SGK3: variants seen among roughly 807,000 people sequenced by gnomAD.
SGK3 encodes the protein serine/threonine-protein kinase Sgk3.
Under a neutral mutation model 68.5 loss-of-function variants are expected in SGK3, and 47 were observed. The observed-to-expected ratio is 0.69, with a 90% CI of 0.54 to 0.87. SGK3 has a LOEUF of 0.87. SGK3 is among the 40% of genes least tolerant of loss of function. SGK3 has a pLI of 0.00. For missense variants in SGK3, 479 were observed against 575.5 expected (o/e 0.83, Z 1.72); for synonymous variants, 181 against 189.1 (o/e 0.96, Z 0.35).
intron 16 of SGK3, among the ~76,000 whole-genome samples, chr8:66,857,797 GTA>G (rs934036535): frequency 0.025 from 2,625 of 105,440 alleles, 33 homozygotes; most frequent in Non-Finnish European, 0.034. Context: ...AAGTGTGTGT[GTA>G]TGTGTGTGTG....
chr8:66,822,889 G>A (rs536391016), intron 6 of SGK3, among the ~76,000 whole-genome samples: 2 of 152,238 alleles, frequency 1.3e-5, no homozygotes, highest in African/African-American at 2.4e-5. Flanking sequence ...TCAGAATGCT[G>A]GGATTACAGG....
intron 1 of SGK3, among the ~76,000 whole-genome samples, chr8:66,723,495 G>GT (rs1256240445): frequency 1.3e-5 from 2 of 152,028 alleles, no homozygotes; most frequent in Admixed American, 6.6e-5. Context: ...GTAAGCTGGA[G>GT]TGCAGTGGTG....
chr8:66,751,513 T>G (rs1805817484), intron 1 of SGK3, among the ~76,000 whole-genome samples: 1 of 152,110 alleles, frequency 6.6e-6, no homozygotes, highest in Admixed American at 6.6e-5. Flanking sequence ...TTCTGGAAAG[T>G]TCTTATTCAG....
chr8:66,773,831 A>G (rs1157347971), intron 1 of SGK3, among the ~76,000 whole-genome samples: 1 of 152,112 alleles, frequency 6.6e-6, no homozygotes, highest in African/African-American at 2.4e-5. Context: ...CACCATTTAA[A>G]ACTCGTTTAT....
Position 66,834,760 on chromosome 8 carries a change from C to T in SGK3, c.526-1003C>T, listed in dbSNP as rs142353249. 8.2e-3 allele frequency among the ~76,000 whole-genome samples: 1,237 copies of T among 151,656 alleles called. 14 individuals are homozygous for T. Among genetic ancestry groups the T allele is most frequent in the African/African-American group, 0.028 (1,163 of 41,328 alleles). ...CGTCCTGGCTAACACAGTGAAACCC[C>T]GTCTCTACTAAAAATACAAAAAAAA... On this transcript the variant is annotated intron_variant, in intron 8 of 16. Transcript: ENST00000521198.
chr8:66,784,841 T>A (rs981840054), intron 1 of SGK3, among the ~76,000 whole-genome samples: 1 of 152,152 alleles, frequency 6.6e-6, no homozygotes, highest in African/African-American at 2.4e-5. Flanking sequence ...AACAAAAAAA[T>A]TTTAAGTCTA....
chr8:66,853,936 C>G (rs1279054471), intron 16 of SGK3, among the ~76,000 whole-genome samples: 1 of 152,072 alleles, frequency 6.6e-6, no homozygotes, highest in Non-Finnish European at 1.5e-5. Flanking sequence ...CTCATTATAC[C>G]ATTTCGGAAC....
At chr8:66,842,270 GA>G (rs1809827705) in intron 13 of SGK3, among the ~76,000 whole-genome samples, 1 of 149,658 alleles carries the variant, frequency 6.7e-6, no homozygotes, top group African/African-American at 2.5e-5. Flanking sequence ...ATCCAGGCTG[GA>G]GTGCAGTGGC....
At chr8:66,759,649 TTTTGTTTGTTTGTTTG>T (rs113675222) in intron 1 of SGK3, among the ~76,000 whole-genome samples, 11 of 151,492 alleles carry the variant, frequency 7.3e-5, no homozygotes, top group Non-Finnish European at 8.8e-5. Flanking sequence ...CCAGGATGGT[TTTTGTTTGTTTGTTTG>T]TTTGTTTGTT....
intron 1 of SGK3, among the ~76,000 whole-genome samples, chr8:66,763,610 A>G (rs1397100626): frequency 6.6e-6 from 1 of 152,072 alleles, no homozygotes; most frequent in African/African-American, 2.4e-5. Context: ...GAGCTAGGAA[A>G]TACATACATA....
intron 1 of SGK3, among the ~76,000 whole-genome samples, chr8:66,718,523 T>C (rs1436560971): frequency 6.6e-6 from 1 of 151,918 alleles, no homozygotes; most frequent in Non-Finnish European, 1.5e-5. Context: ...ATGTAGTTTT[T>C]GTTTTGTTTC....
rs897500930 is a variant in SGK3 at position 66,769,835 on chromosome 8, G to A, written c.-121-23781G>A. Among the ~76,000 whole-genome samples the A allele has an allele frequency of 3.3e-5, 5 of 151,994 alleles. No homozygotes were observed. The South Asian group carries it at 8.3e-4, about 25-fold the overall frequency. ...AATCCTCTTACCTTGGCCTCTCAAA[G>A]TGGGATTACAGGCGTGAGCCACCAA... On this transcript the variant is annotated intron_variant, in intron 1 of 16. Transcript: ENST00000521198.
At chr8:66,786,372 T>A (rs1807199851) in intron 1 of SGK3, among the ~76,000 whole-genome samples, 1 of 152,168 alleles carries the variant, frequency 6.6e-6, no homozygotes, top group African/African-American at 2.4e-5. Context: ...CATGCTTCAG[T>A]TTCTCCTCAA....
rs1285393421 is a variant in SGK3 at position 66,861,484 on chromosome 8, T to C, written c.*1903T>C. 6.6e-6 allele frequency: 1 copy of C among 152,132 alleles called. No individual in the cohort carries two copies. The highest frequency in any genetic ancestry group is 2.4e-5 in the African/African-American group (1 of 41,440). 9.4% of individuals were successfully genotyped at this position (152,132 alleles called of 1,614,324 possible). ...AGAGAGAGTAACTACAGAAGAACTT[T>C]AAAAAATAAAAAATAAGCTTACCTT... On this transcript the variant is annotated 3_prime_UTR_variant, in exon 17 of 17. Transcript: ENST00000521198.
At chr8:66,735,059 ATTG>A (rs1805280057) in intron 1 of SGK3, among the ~76,000 whole-genome samples, 1 of 151,914 alleles carries the variant, frequency 6.6e-6, no homozygotes, top group African/African-American at 2.4e-5. Context: ...ATTATCAGTT[ATTG>A]TTAATCTTTT....
At chr8:66,744,530 T>TGTTGTTGTTGTTG (rs1563605813) in intron 1 of SGK3, among the ~76,000 whole-genome samples, 10 of 119,304 alleles carry the variant, frequency 8.4e-5, no homozygotes, top group African/African-American at 3.1e-4. Context: ...TTTTTTTTTT[T>TGTTGTTGTTGTTG]TTTTTTTTTT....
chr8:66,817,201 G>C (rs906399173), intron 5 of SGK3, among the ~76,000 whole-genome samples: 2 of 152,034 alleles, frequency 1.3e-5, no homozygotes, highest in Non-Finnish European at 2.9e-5. Context: ...GGGAGGCCGA[G>C]GCAGGCGGAT....
chr8:66,809,517 G>C (rs1006614168), intron 4 of SGK3, among the ~76,000 whole-genome samples: 1 of 152,028 alleles, frequency 6.6e-6, no homozygotes, highest in Admixed American at 6.6e-5. Context: ...TCAGTATAAA[G>C]ACTTTCCAAT....
intron 1 of SGK3, among the ~76,000 whole-genome samples, chr8:66,723,248 C>G (rs1404058389): frequency 1.1e-4 from 16 of 146,270 alleles, no homozygotes; most frequent in Non-Finnish European, 2.1e-4. Context: ...GAGTTCGAGA[C>G]CAGCCTGACA....
Sources: allele counts gnomAD v4.1 joint callset (sites outside exome capture counted in the v4.1 genomes callset), GRCh38; gene constraint gnomAD v4.1.1; transcripts MANE v1.5; gene names NCBI Gene and HGNC (gene_info 2026-07-23, HGNC 2026-07-21).